BBS2: variants seen among roughly 807,000 people sequenced by gnomAD.
BBS2 encodes Bardet-Biedl syndrome 2.
A neutral mutation model predicts 83.0 loss-of-function variants in BBS2; 62 were observed. The observed-to-expected ratio is 0.75, with a 90% CI of 0.61 to 0.92. The LOEUF (loss-of-function observed/expected upper bound fraction) is 0.92, where lower values mean the gene tolerates loss of function less well. BBS2 is among the 40% of genes least tolerant of loss of function. BBS2 has a pLI of 0.00. For synonymous variants in BBS2, 303 were observed against 326.1 expected, an observed-to-expected ratio of 0.93 and a Z score of 0.76; for missense variants, 784 against 901.0, an observed-to-expected ratio of 0.87 and a Z score of 1.66.
intron 17 of BBS2, chr16:56,474,681 TG>T: frequency 1.6e-6 from 1 of 621,330 alleles, no homozygotes; most frequent in Non-Finnish European, 2.7e-6. Context: ...TTTATAAGGC[TG>T]GATTGGTAGA....
chr16:56,506,063 C>T (rs774389284), intron 6 of BBS2, 27 bp from the exon 7 acceptor site: 16 of 1,611,186 alleles, frequency 9.9e-6, no homozygotes, highest in Non-Finnish European at 6.8e-6. Flanking sequence ...ATAATTAGCA[C>T]AGAAGTCTCA....
At chr16:56,475,560 G>A in intron 17 of BBS2, 7 of 1,613,728 alleles carry the variant, frequency 4.3e-6, no homozygotes, top group South Asian at 1.1e-5. Flanking sequence ...AGGTGAAGAT[G>A]AAGAGGTAAG....
intron 11 of BBS2, 33 bp from the exon 12 acceptor site, chr16:56,499,940 T>C (rs373826346): frequency 5.5e-5 from 89 of 1,612,916 alleles, no homozygotes; most frequent in Non-Finnish European, 7.3e-5. Flanking sequence ...AAGAGAATTG[T>C]TTTGTATAGA....
rs1190474419 is a variant in BBS2, at chr16:56,486,748, CTTTTTT to C, written c.1911-1016_1911-1011del. On this transcript the variant is annotated intron_variant, in intron 15 of 16. Coordinates refer to ENST00000245157, the MANE Select transcript of BBS2 (RefSeq NM_031885.5). ...CAGTCACAAGAGTGACAGAAATATT[CTTTTTT>C]TTTTTTTTTTTTTTTTTTGAGATGG... is the stretch of plus-strand genomic sequence containing the variant. Among the ~76,000 whole-genome samples, 181 of 84,216 alleles carry C rather than the reference CTTTTTT, an allele frequency of 2.1e-3. 2 individuals are homozygous for C. The East Asian group carries it at 0.023, about 11-fold the overall frequency. 55.2% of individuals were successfully genotyped at this position (84,216 alleles called of 152,430 possible).
At chr16:56,493,868 T>C (rs1389807776) in intron 15 of BBS2, among the ~76,000 whole-genome samples, 1 of 152,360 alleles carries the variant, frequency 6.6e-6, no homozygotes. Flanking sequence ...AGCAATCATA[T>C]TGTTGATAAC....
intron 15 of BBS2, among the ~76,000 whole-genome samples, chr16:56,492,695 A>T (rs1460009048): frequency 6.6e-6 from 1 of 152,214 alleles, no homozygotes; most frequent in Non-Finnish European, 1.5e-5. Flanking sequence ...TAAAACTAAG[A>T]GACCATTTCT....
intron 17 of BBS2, chr16:56,475,563 G>A (rs1447815870): frequency 8.7e-6 from 14 of 1,613,590 alleles, no homozygotes; most frequent in Non-Finnish European, 1.0e-5. Flanking sequence ...TGAAGATGAA[G>A]AGGTAAGTTT....
chr16:56,481,399 T>G (rs1271000481), downstream of BBS2, among the ~76,000 whole-genome samples: 1 of 151,638 alleles, frequency 6.6e-6, no homozygotes, highest in Non-Finnish European at 1.5e-5. Flanking sequence ...GGTTAAGGAG[T>G]AGACATGGGA....
downstream of BBS2, among the ~76,000 whole-genome samples, chr16:56,479,557 G>T (rs1567561427): frequency 6.6e-6 from 1 of 152,266 alleles, no homozygotes; most frequent in East Asian, 1.9e-4. Flanking sequence ...AATATCTAAG[G>T]ATCACCTGAA....
At chr16:56,501,830 AATT>A in intron 9 of BBS2, 1 of 382,802 alleles carries the variant, frequency 2.6e-6, no homozygotes, top group Non-Finnish European at 4.9e-6. Flanking sequence ...TTACAGGACA[AATT>A]AAAGGAATAT....
chr16:56,485,653 T>C lies in BBS2; in HGVS notation c.1996A>G (p.Thr666Ala), dbSNP rs780699235. ...NGYKIRCNNH[T>A]ELLGNLKAVN... ...GCTTTGAGGTTTCCCAACAGCTCTG[T>C]GTGATTGTTACAGCGAATTTTATAT... is the stretch of plus-strand genomic sequence containing the variant. The change falls in exon 16 of 17, where the codon ACA becomes GCA. Residue 666 changes from threonine to alanine, a missense_variant. By Grantham distance (58) the Thr-to-Ala change is moderately conservative. Coordinates refer to ENST00000245157, the MANE Select transcript of BBS2 (RefSeq NM_031885.5). 11 of 1,614,176 alleles carry C rather than the reference T, an allele frequency of 6.8e-6. No homozygotes were observed. Among genetic ancestry groups the C allele is most frequent in the Non-Finnish European group, 9.3e-6 (11 of 1,180,008 alleles).
At chr16:56,514,735 A>G (rs962401245) in intron 1 of BBS2, 55 bp from the exon 2 acceptor site, 2 of 1,355,398 alleles carry the variant, frequency 1.5e-6, no homozygotes, top group African/African-American at 2.9e-5. Flanking sequence ...TTAGTATCAT[A>G]CATTTTTTTA....
chr16:56,510,839 A>G lies in BBS2; in HGVS notation c.534+20T>C, dbSNP rs369579609. ...TCATTTGGCTGAACACACAAGAGAGATATCTCCTCCCCCACATACCTCTTT... is the reference window on the plus strand; with the variant it reads ...TCATTTGGCTGAACACACAAGAGAGGTATCTCCTCCCCCACATACCTCTTT... On this transcript the variant is annotated intron_variant, in intron 4 of 16. Transcript: ENST00000245157. The G allele has an allele frequency of 5.3e-5, 85 of 1,612,444 alleles. No homozygotes were observed. In the African/African-American group the frequency reaches 8.9e-4, roughly 17 times the overall value.
At chr16:56,470,659 A>T in exon 18 of BBS2, 1 of 1,614,184 alleles carries the variant, frequency 6.2e-7, no homozygotes, top group Non-Finnish European at 8.5e-7. Context: ...GGCAGAAACC[A>T]CTGATATCAC....
At chr16:56,489,756 C>T (rs1028226177) in intron 15 of BBS2, among the ~76,000 whole-genome samples, 10 of 151,660 alleles carry the variant, frequency 6.6e-5, no homozygotes, top group African/African-American at 2.4e-4. Context: ...GCCAAGATAG[C>T]GCCATTGCAC....
chr16:56,470,426 A>T, downstream of BBS2: 1 of 1,449,518 alleles, frequency 6.9e-7, no homozygotes, highest in Non-Finnish European at 9.4e-7. Context: ...ATCAGCTTTT[A>T]TTCTGTGAGT....
At chr16:56,505,160 T>C (rs771922851) in intron 7 of BBS2, among the ~76,000 whole-genome samples, 2 of 152,216 alleles carry the variant, frequency 1.3e-5, no homozygotes, top group Non-Finnish European at 2.9e-5. Context: ...CAGACTTTCA[T>C]ATTTCTTAAT....
At chr16:56,496,121 C>T (rs1324590941) in intron 15 of BBS2, among the ~76,000 whole-genome samples, 1 of 152,138 alleles carries the variant, frequency 6.6e-6, no homozygotes, top group Non-Finnish European at 1.5e-5. Flanking sequence ...ACACAAGCAG[C>T]ACTCTGAGTG....
At chr16:56,489,997 GTCC>G (rs199888230) in intron 15 of BBS2, among the ~76,000 whole-genome samples, 3,603 of 151,744 alleles carry the variant, frequency 0.024, 71 homozygotes, top group East Asian at 0.057. Context: ...CACGCCTGTA[GTCC>G]CAGCTACTCC....
Sources: gnomAD v4.1 joint callset for allele counts (sites outside exome capture counted in the v4.1 genomes callset) on GRCh38, gnomAD v4.1.1 for gene constraint, MANE v1.5 for transcripts, NCBI Gene and HGNC (gene_info 2026-07-23, HGNC 2026-07-21) for gene names.